The following RHOJ variants were observed in gnomAD, a reference collection of about 807,000 sequenced individuals.
The protein encoded by RHOJ is rho-related GTP-binding protein RhoJ.
In RHOJ, 11 loss-of-function variants were observed where a neutral mutation model predicts 23.4. The observed-to-expected ratio is 0.47, with a 90% CI of 0.30 to 0.78. RHOJ has a LOEUF of 0.78. Ranked by LOEUF, RHOJ falls within the 30% of genes least tolerant of loss-of-function variation. The pLI, the probability that RHOJ is intolerant of heterozygous loss-of-function variation, is 0.08. For synonymous variants in RHOJ, 102 were observed against 102.7 expected (o/e 0.99, Z 0.04); for missense variants, 254 against 273.4 (o/e 0.93, Z 0.50).
intron 1 of RHOJ, among the ~76,000 whole-genome samples, chr14:63,262,191 T>C (rs2139649700): frequency 6.6e-6 from 1 of 152,308 alleles, no homozygotes; most frequent in African/African-American, 2.4e-5. Context: ...GAAGGGGCTT[T>C]GATGGTTTAC....
intron 1 of RHOJ, among the ~76,000 whole-genome samples, chr14:63,255,694 A>G (rs1895151398): frequency 6.6e-6 from 1 of 152,006 alleles, no homozygotes; most frequent in South Asian, 2.1e-4. Context: ...AGGGCCACCA[A>G]TCCAGGTGTG....
chr14:63,257,714 A>AT lies in RHOJ; in HGVS notation c.179-11386dup, dbSNP rs1160224213. The stretch of plus-strand genomic sequence containing the variant: ...AATATGACTTTTTTCCCCTCCTCTG[A>AT]TTTTTTTTTTCACAAGGCTGTCATT... On this transcript the variant is annotated intron_variant, in intron 1 of 4. Coordinates refer to ENST00000316754, the MANE Select transcript of RHOJ (RefSeq NM_020663.5). 1.2e-3 allele frequency among the ~76,000 whole-genome samples: 169 copies of AT among 139,496 alleles called. 6 individuals carry two copies. The highest frequency in any genetic ancestry group is 3.6e-3 in the Middle Eastern group (1 of 274). The allele number at this position is 139,496 out of a possible 152,430, so 91.5% of individuals were successfully genotyped here.
intron 2 of RHOJ, among the ~76,000 whole-genome samples, chr14:63,271,557 G>C (rs1895469726): frequency 6.6e-6 from 1 of 152,154 alleles, no homozygotes; most frequent in Non-Finnish European, 1.5e-5. Context: ...TACAGGTCTA[G>C]GGTGGGACCC....
intron 4 of RHOJ, among the ~76,000 whole-genome samples, chr14:63,288,927 C>T (rs1882166011): frequency 6.6e-6 from 1 of 152,200 alleles, no homozygotes; most frequent in South Asian, 2.1e-4. Flanking sequence ...ACTTGACCAG[C>T]TTCTTGCAGA....
At chr14:63,244,960 C>T (rs1338467008) in intron 1 of RHOJ, among the ~76,000 whole-genome samples, 1 of 152,200 alleles carries the variant, frequency 6.6e-6, no homozygotes, top group African/African-American at 2.4e-5. Context: ...AGCAGCACAG[C>T]ATATTGAAAA....
intron 1 of RHOJ, among the ~76,000 whole-genome samples, chr14:63,214,879 A>T (rs1285222481): frequency 1.3e-5 from 2 of 152,148 alleles, no homozygotes; most frequent in East Asian, 3.9e-4. Flanking sequence ...AAATGAAAAA[A>T]ATAATCAACA....
intron 2 of RHOJ, among the ~76,000 whole-genome samples, chr14:63,270,925 C>T (rs146417154): frequency 3.7e-4 from 56 of 152,296 alleles, no homozygotes; most frequent in African/African-American, 1.3e-3. Flanking sequence ...AAAACCTCCA[C>T]AGGCTTCTGT....
intron 1 of RHOJ, among the ~76,000 whole-genome samples, chr14:63,250,585 G>A (rs1440610322): frequency 6.6e-6 from 1 of 151,948 alleles, no homozygotes; most frequent in Non-Finnish European, 1.5e-5. Context: ...TTTTTCCTCT[G>A]CCTAGAATGT....
At chr14:63,235,932 C>G (rs1894781173) in intron 1 of RHOJ, among the ~76,000 whole-genome samples, 1 of 152,138 alleles carries the variant, frequency 6.6e-6, no homozygotes, top group Non-Finnish European at 1.5e-5. Flanking sequence ...GTAATAAATG[C>G]TTTTTTGCTT....
intron 1 of RHOJ, among the ~76,000 whole-genome samples, chr14:63,206,541 A>G (rs546611068): frequency 6.6e-6 from 1 of 152,332 alleles, no homozygotes; most frequent in Admixed American, 6.5e-5. Flanking sequence ...CTTATTTCAA[A>G]AACTTTTAAA....
chr14:63,250,895 C>T (rs1444787783), intron 1 of RHOJ, among the ~76,000 whole-genome samples: 5 of 152,000 alleles, frequency 3.3e-5, no homozygotes, highest in African/African-American at 4.8e-5. Context: ...ATTAGCTGGG[C>T]GTGATGGCAG....
At chr14:63,236,748 AACACACAC>A (rs59297455) in intron 1 of RHOJ, among the ~76,000 whole-genome samples, 48 of 138,452 alleles carry the variant, frequency 3.5e-4, no homozygotes, top group East Asian at 1.7e-3. Flanking sequence ...AGAGGCTTGA[AACACACAC>A]ACACACACAC....
chr14:63,259,155 G>A (rs1045164253), intron 1 of RHOJ, among the ~76,000 whole-genome samples: 45 of 152,278 alleles, frequency 3.0e-4, no homozygotes, highest in African/African-American at 1.0e-3. Context: ...GGCCAGGCTG[G>A]TCTCAAACTC....
intron 1 of RHOJ, among the ~76,000 whole-genome samples, chr14:63,248,102 G>T (rs1895008155): frequency 6.6e-6 from 1 of 152,072 alleles, no homozygotes; most frequent in Non-Finnish European, 1.5e-5. Flanking sequence ...GATTTGGGTG[G>T]GGACACGGCC....
intron 1 of RHOJ, among the ~76,000 whole-genome samples, chr14:63,229,699 T>C (rs897746023): frequency 2.6e-5 from 4 of 152,156 alleles, no homozygotes; most frequent in African/African-American, 9.7e-5. Flanking sequence ...TCCCTTCTGC[T>C]ACCAGCTAGA....
chr14:63,228,389 C>T (rs984364806), intron 1 of RHOJ, among the ~76,000 whole-genome samples: 3 of 152,156 alleles, frequency 2.0e-5, no homozygotes, highest in Non-Finnish European at 2.9e-5. Context: ...GAATGACTTA[C>T]AGGCTCATTC....
intron 1 of RHOJ, among the ~76,000 whole-genome samples, chr14:63,221,474 A>T (rs1384387096): frequency 6.6e-6 from 1 of 152,210 alleles, no homozygotes; most frequent in Non-Finnish European, 1.5e-5. Flanking sequence ...GAATGATTCT[A>T]TTACTGGAGA....
intron 1 of RHOJ, among the ~76,000 whole-genome samples, chr14:63,221,831 T>A (rs1894500383): frequency 6.6e-6 from 1 of 152,114 alleles, no homozygotes; most frequent in African/African-American, 2.4e-5. Flanking sequence ...ATGCAACATT[T>A]TTTTTTTAAT....
intron 2 of RHOJ, among the ~76,000 whole-genome samples, chr14:63,277,966 AACACACACACACACAC>A (rs34023824): frequency 2.8e-5 from 4 of 141,512 alleles, no homozygotes; most frequent in East Asian, 2.1e-4. Flanking sequence ...CAGCTACACA[AACACACACACACACAC>A]ACACACACAC....
Sources: allele counts gnomAD v4.1 joint callset (sites outside exome capture counted in the v4.1 genomes callset), GRCh38; gene constraint gnomAD v4.1.1; transcripts MANE v1.5; gene names NCBI Gene and HGNC (gene_info 2026-07-23, HGNC 2026-07-21).